The following TMEM117 variants were observed in gnomAD, a reference collection of about 807,000 sequenced individuals.
TMEM117 encodes transmembrane protein 117.
TMEM117 carries 27 observed loss-of-function variants against 52.4 expected under a neutral mutation model. The observed-to-expected ratio is 0.51, with a 90% CI of 0.38 to 0.71. The LOEUF (loss-of-function observed/expected upper bound fraction) is 0.71. TMEM117 is among the 30% of genes least tolerant of loss of function. The pLI, the probability that TMEM117 is intolerant of heterozygous loss-of-function variation, is 0.00. For missense variants in TMEM117, 556 were observed against 630.5 expected (o/e 0.88, Z 1.26); for synonymous variants, 215 against 206.3 (o/e 1.04, Z -0.36).
Position 44,365,725 on chromosome 12 carries a change from A to G in TMEM117, c.769-10870A>G, listed in dbSNP as rs189556150. ...TAGTCTGAATTGAATATGAAAATAC[A>G]GTCAATCTCCTATAAAGGATTTTCT... On this transcript the variant is annotated intron_variant, in intron 6 of 7. Coordinates refer to ENST00000266534, the MANE Select transcript of TMEM117 (RefSeq NM_032256.3). 2.8e-3 allele frequency among the ~76,000 whole-genome samples: 421 copies of G among 152,158 alleles called. 3 individuals carry two copies. Among genetic ancestry groups the G allele is most frequent in the African/African-American group, 9.1e-3 (379 of 41,544 alleles).
intron 2 of TMEM117, among the ~76,000 whole-genome samples, chr12:43,901,290 C>T (rs796325816): frequency 4.6e-5 from 7 of 151,854 alleles, no homozygotes; most frequent in African/African-American, 1.4e-4. Flanking sequence ...TTCATTTGCC[C>T]CGTTTTTTGT....
chr12:43,898,890 C>T (rs533355990), intron 2 of TMEM117, among the ~76,000 whole-genome samples: 2 of 152,150 alleles, frequency 1.3e-5, no homozygotes, highest in Non-Finnish European at 2.9e-5. Flanking sequence ...AAAAAGTAAC[C>T]GATCTGACAG....
At chr12:44,394,641 C>CT (rs1345541318), downstream of TMEM117, among the ~76,000 whole-genome samples, 8 of 152,192 alleles carry the variant, frequency 5.3e-5, no homozygotes, top group African/African-American at 1.9e-4. Context: ...TTATTTCCTT[C>CT]TTTTTATGAT....
In TMEM117 at chr12:44,374,616, T is replaced by TTGTGTGTGTG. The variant is rs5742462; in HGVS notation, c.769-1949_769-1940dup. On this transcript the variant is annotated intron_variant, in intron 6 of 7. Coordinates refer to ENST00000266534, the MANE Select transcript of TMEM117 (RefSeq NM_032256.3). ...AGGTGGGAAATAATCAAGGAACTAT[T>TTGTGTGTGTG]TGTGTGTGTGTGTGTGTGTGTGTGT... Among the ~76,000 whole-genome samples the TTGTGTGTGTG allele has an allele frequency of 3.2e-3, 467 of 144,904 alleles. 3 individuals carry two copies. The highest frequency in any genetic ancestry group is 0.01 in the Middle Eastern group (3 of 290).
At chr12:44,397,608 G>A in the TMEM117 span, among the ~76,000 whole-genome samples, 13 of 152,286 alleles carry the variant, frequency 8.5e-5, no homozygotes, top group African/African-American at 3.1e-4. Context: ...CTCCCTAGAA[G>A]CTTATTTACA....
At chr12:44,279,044 G>T (rs563889806) in intron 5 of TMEM117, among the ~76,000 whole-genome samples, 1 of 151,942 alleles carries the variant, frequency 6.6e-6, no homozygotes, top group South Asian at 2.1e-4. Flanking sequence ...ATGTTATAAA[G>T]TGCTTGAGAG....
At position 44,189,651 on chromosome 12, in the gene TMEM117, C is replaced by T. The variant is rs149608497; in HGVS notation, c.511-21639C>T. Among the ~76,000 whole-genome samples the T allele has an allele frequency of 2.0e-4, 30 of 152,130 alleles. No homozygotes were observed. The East Asian group carries it at 3.1e-3, about 16-fold the overall frequency. ...ACCTGCAGAACTTAAAGATCGTTTA[C>T]GTAAAAGGGAAGTAAAAAGGTTCAG... On this transcript the variant is annotated intron_variant, in intron 4 of 7. Transcript: ENST00000266534.
intron 3 of TMEM117, among the ~76,000 whole-genome samples, chr12:44,090,398 T>A (rs73091776): frequency 6.1e-4 from 75 of 123,216 alleles, no homozygotes; most frequent in Admixed American, 9.0e-4. Flanking sequence ...TTATCTTACT[T>A]TTTATTTATT....
intron 2 of TMEM117, among the ~76,000 whole-genome samples, chr12:43,933,639 C>T (rs1173097150): frequency 1.3e-5 from 2 of 151,986 alleles, no homozygotes; most frequent in East Asian, 3.9e-4. Context: ...TCTCGGCTCA[C>T]TGCAACCTCT....
At chr12:43,818,433 GT>G in the TMEM117 span, among the ~76,000 whole-genome samples, 32 of 141,012 alleles carry the variant, frequency 2.3e-4, no homozygotes, top group African/African-American at 7.4e-4. Context: ...TTTTTTTTGT[GT>G]TTTTTTTTTG....
At chr12:43,849,931 C>T (rs1165975352) in intron 2 of TMEM117, among the ~76,000 whole-genome samples, 1 of 152,154 alleles carries the variant, frequency 6.6e-6, no homozygotes, top group African/African-American at 2.4e-5. Context: ...TAATCATTTC[C>T]TCCTAATAGT....
chr12:43,966,075 C>T (rs1048502636), intron 3 of TMEM117, among the ~76,000 whole-genome samples: 2 of 152,282 alleles, frequency 1.3e-5, no homozygotes, highest in Admixed American at 6.5e-5. Context: ...CTGCAAAGGA[C>T]GTGATCTCAT....
At chr12:43,959,098 C>T (rs1056808954) in intron 3 of TMEM117, among the ~76,000 whole-genome samples, 2 of 152,116 alleles carry the variant, frequency 1.3e-5, no homozygotes, top group South Asian at 4.1e-4. Flanking sequence ...TGAGCCACCG[C>T]GCCCGGCCAA....
intron 5 of TMEM117, among the ~76,000 whole-genome samples, chr12:44,260,701 T>C (rs1036218592): frequency 2.0e-5 from 3 of 152,172 alleles, no homozygotes; most frequent in East Asian, 1.9e-4. Context: ...AAAACAAATA[T>C]CTGTTTACGG....
intron 3 of TMEM117, among the ~76,000 whole-genome samples, chr12:44,117,081 C>T (rs1047150786): frequency 4.6e-5 from 7 of 152,120 alleles, no homozygotes; most frequent in Admixed American, 6.5e-5. Context: ...GATCAGTTCC[C>T]GCCTACATTT....
At chr12:44,380,094 C>T (rs184226601) in intron 7 of TMEM117, among the ~76,000 whole-genome samples, 32 of 152,300 alleles carry the variant, frequency 2.1e-4, no homozygotes, top group Non-Finnish European at 5.9e-5. Flanking sequence ...TGCTGAGAGA[C>T]ATTTTCTATA....
At chr12:43,854,379 C>T (rs1275861764) in intron 2 of TMEM117, among the ~76,000 whole-genome samples, 1 of 148,712 alleles carries the variant, frequency 6.7e-6, no homozygotes, top group Admixed American at 6.7e-5. Context: ...TATGAGTAGG[C>T]AAGAGTGAGA....
intron 3 of TMEM117, among the ~76,000 whole-genome samples, chr12:44,137,166 G>A (rs1948503040): frequency 6.6e-6 from 1 of 151,060 alleles, no homozygotes; most frequent in Non-Finnish European, 1.5e-5. Context: ...GAAGGGCAAT[G>A]TAAGAAAATC....
intron 6 of TMEM117, among the ~76,000 whole-genome samples, chr12:44,373,348 T>C (rs1251424614): frequency 6.6e-6 from 1 of 152,250 alleles, no homozygotes; most frequent in Non-Finnish European, 1.5e-5. Flanking sequence ...CTGGGAGGAC[T>C]GTGCTCTGGC....
Sources: allele counts gnomAD v4.1 joint callset (sites outside exome capture counted in the v4.1 genomes callset), GRCh38; gene constraint gnomAD v4.1.1; transcripts MANE v1.5; gene names NCBI Gene and HGNC (gene_info 2026-07-23, HGNC 2026-07-21).